CDH4: variants seen among roughly 807,000 people sequenced by gnomAD.
CDH4 encodes the protein cadherin-4.
CDH4 carries 33 observed loss-of-function variants against 86.0 expected under a neutral mutation model. The ratio of observed to expected loss-of-function variants is 0.38; its 90% confidence interval spans 0.29 to 0.51. The LOEUF (loss-of-function observed/expected upper bound fraction) is 0.51. CDH4 is among the 20% of genes least tolerant of loss of function. The pLI is 0.86. For synonymous variants in CDH4, 555 were observed against 549.4 expected, an observed-to-expected ratio of 1.01 and a Z score of -0.14; for missense variants, 1,114 against 1,307.4, an observed-to-expected ratio of 0.85 and a Z score of 2.28.
chr20:61,429,799 A>T (rs1041406062), intron 2 of CDH4, among the ~76,000 whole-genome samples: 3 of 143,170 alleles, frequency 2.1e-5, no homozygotes, highest in Non-Finnish European at 4.5e-5. Context: ...GGGTGGAAAG[A>T]TGGATAGGTA....
chr20:61,686,532 T>C (rs1187850552), intron 2 of CDH4, among the ~76,000 whole-genome samples: 2 of 151,762 alleles, frequency 1.3e-5, no homozygotes, highest in Admixed American at 6.6e-5. Context: ...TGTGTGCATT[T>C]GTGTATGTGT....
chr20:61,414,772 G>A (rs2085137776), intron 2 of CDH4, among the ~76,000 whole-genome samples: 1 of 152,190 alleles, frequency 6.6e-6, no homozygotes, highest in African/African-American at 2.4e-5. Context: ...AGATGGGAGA[G>A]GACATTGTCT....
chr20:61,681,955 T>C lies in CDH4; in HGVS notation c.170-61608T>C, dbSNP rs1339396538. 2.0e-5 allele frequency among the ~76,000 whole-genome samples: 3 copies of C among 152,196 alleles called. No homozygotes were observed. Among genetic ancestry groups the C allele is most frequent in the African/African-American group, 7.2e-5 (3 of 41,442 alleles). ...GCCTGTGACCCCAGGGCAATCTGGG[T>C]TGTCATTGCAGAAGGAAGCCCAGTG... On this transcript the variant is annotated intron_variant, in intron 2 of 15. Coordinates refer to ENST00000614565, the MANE Select transcript of CDH4 (RefSeq NM_001794.5). The surrounding 1 kb of genome is among the most constrained non-coding windows in gnomAD (Gnocchi z 4.5).
At chr20:61,409,902 G>T (rs2085107225) in intron 2 of CDH4, among the ~76,000 whole-genome samples, 1 of 152,276 alleles carries the variant, frequency 6.6e-6, no homozygotes, top group Admixed American at 6.5e-5. Context: ...TTAAGAGATT[G>T]ATCACCATCT....
chr20:61,293,309 G>A (rs1465531327), intron 2 of CDH4, among the ~76,000 whole-genome samples: 2 of 152,204 alleles, frequency 1.3e-5, no homozygotes, highest in Non-Finnish European at 2.9e-5. Context: ...CCTGGGACGG[G>A]TGGCAGGAGG....
At chr20:61,333,264 TAC>T (rs11467480) in intron 2 of CDH4, among the ~76,000 whole-genome samples, 34,108 of 150,892 alleles carry the variant, frequency 0.23, 4,460 homozygotes, top group African/African-American at 0.37. Context: ...CACACACATG[TAC>T]ACACACACAC....
At chr20:61,327,663 G>A (rs1299139436) in intron 2 of CDH4, among the ~76,000 whole-genome samples, 1 of 152,148 alleles carries the variant, frequency 6.6e-6, no homozygotes, top group Non-Finnish European at 1.5e-5. Context: ...TGCACATTTT[G>A]GATGGTCCTT....
intron 6 of CDH4, among the ~76,000 whole-genome samples, chr20:61,854,771 T>A (rs889197484): frequency 2.1e-5 from 3 of 144,822 alleles, no homozygotes; most frequent in African/African-American, 7.8e-5. Flanking sequence ...CAGGGTGAAT[T>A]GTGCCCTTGG....
chr20:61,667,204 C>G (rs6089258), intron 2 of CDH4, among the ~76,000 whole-genome samples: 1 of 152,184 alleles, frequency 6.6e-6, no homozygotes, highest in Non-Finnish European at 1.5e-5. Context: ...ATGGGGCCAC[C>G]CCACCCTCAG....
chr20:61,795,526 G>A (rs1369718755), intron 4 of CDH4, among the ~76,000 whole-genome samples: 2 of 152,196 alleles, frequency 1.3e-5, no homozygotes, highest in East Asian at 1.9e-4. Flanking sequence ...CGACACATAC[G>A]TTGTGCTTGG....
intron 2 of CDH4, among the ~76,000 whole-genome samples, chr20:61,376,588 T>C (rs1181253482): frequency 3.3e-5 from 5 of 152,136 alleles, no homozygotes; most frequent in Non-Finnish European, 7.4e-5. Flanking sequence ...CAGGCGGAGT[T>C]CAGGTCACCC....
At chr20:61,678,361 G>A (rs538357074) in intron 2 of CDH4, among the ~76,000 whole-genome samples, 3 of 152,260 alleles carry the variant, frequency 2.0e-5, no homozygotes, top group Admixed American at 6.5e-5. Flanking sequence ...TATAGACATG[G>A]GTATATAGAA....
chr20:61,295,988 C>T (rs1436826680), intron 2 of CDH4, among the ~76,000 whole-genome samples: 1 of 152,112 alleles, frequency 6.6e-6, no homozygotes, highest in Non-Finnish European at 1.5e-5. Context: ...GGGTCTACCC[C>T]CGCTGCAGGA....
chr20:61,371,873 C>T (rs2084842943), intron 2 of CDH4, among the ~76,000 whole-genome samples: 1 of 152,216 alleles, frequency 6.6e-6, no homozygotes, highest in African/African-American at 2.4e-5. Context: ...CCCACCCTCA[C>T]CATCCGTCCC....
Position 61,288,126 on chromosome 20 carries a change from C to T in CDH4, c.169+33189C>T, listed in dbSNP as rs181468552. On this transcript the variant is annotated intron_variant, in intron 2 of 15. Coordinates refer to ENST00000614565, the MANE Select transcript of CDH4 (RefSeq NM_001794.5). Reference sequence around the variant, plus strand: ...AGGCTCTGGTCTGTTTTTATTCTCACGATTTTGTTTTTACCAAGTAGAACG... The same window carrying T: ...AGGCTCTGGTCTGTTTTTATTCTCATGATTTTGTTTTTACCAAGTAGAACG... Among the ~76,000 whole-genome samples, 5 of 152,092 alleles carry T rather than the reference C, an allele frequency of 3.3e-5. 1 individual carries two copies. The highest frequency in any genetic ancestry group is 4.1e-4 in the South Asian group (2 of 4,824).
intron 2 of CDH4, among the ~76,000 whole-genome samples, chr20:61,664,424 T>C (rs1377689052): frequency 6.6e-6 from 1 of 152,132 alleles, no homozygotes. Flanking sequence ...GGAGAGCTGG[T>C]CCCCACTCCT....
At chr20:61,385,899 A>ACCACG (rs1168707143) in intron 2 of CDH4, among the ~76,000 whole-genome samples, 1 of 152,192 alleles carries the variant, frequency 6.6e-6, no homozygotes, top group African/African-American at 2.4e-5. Context: ...TGCTATGTAG[A>ACCACG]TTGCAGCTGC....
chr20:61,587,515 A>G (rs115530815), intron 2 of CDH4, among the ~76,000 whole-genome samples: 2,376 of 152,186 alleles, frequency 0.016, 61 homozygotes, highest in African/African-American at 0.045. Flanking sequence ...CCCGTCGGAA[A>G]CTGCAGTCCT....
chr20:61,325,398 C>T (rs779088557), intron 2 of CDH4, among the ~76,000 whole-genome samples: 7 of 152,090 alleles, frequency 4.6e-5, no homozygotes, highest in African/African-American at 1.2e-4. Context: ...TGTCCCCTTA[C>T]CTGTAGATAG....
Sources: gnomAD v4.1 joint callset for allele counts (sites outside exome capture counted in the v4.1 genomes callset) on GRCh38, gnomAD v4.1.1 for gene constraint, Gnocchi (gnomAD v3.1) non-coding constraint, MANE v1.5 for transcripts, NCBI Gene and HGNC (gene_info 2026-07-23, HGNC 2026-07-21) for gene names.